Variants in LRCH2 observed in about 807,000 individuals in gnomAD.
LRCH2 encodes the protein leucine-rich repeat and calponin homology domain-containing protein 2.
Under a neutral mutation model 68.9 loss-of-function variants are expected in LRCH2, and 38 were observed. The ratio of observed to expected loss-of-function variants is 0.55; its 90% confidence interval spans 0.43 to 0.72. The LOEUF (loss-of-function observed/expected upper bound fraction) is 0.72. Ranked by LOEUF, LRCH2 falls within the 30% of genes least tolerant of loss-of-function variation. The pLI, the probability that LRCH2 is intolerant of heterozygous loss-of-function variation, is 0.00. For missense variants in LRCH2, 528 were observed against 572.9 expected, an observed-to-expected ratio of 0.92 and a Z score of 0.80; for synonymous variants, 191 against 208.1, an observed-to-expected ratio of 0.92 and a Z score of 0.71.
rs2072105426 is a variant in LRCH2 at position 115,118,571 on chromosome X, C to G, written c.2178+3956G>C. ...AGTCCAGGACCAGATGGATTCACAG[C>G]TGAATTCTACCAGAGGTACAAGGAG... On this transcript the variant is annotated intron_variant, in intron 20 of 20. Transcript: ENST00000317135. 2.7e-5 allele frequency among the ~76,000 whole-genome samples: 3 copies of G among 110,057 alleles called. No individual in the cohort carries two copies. In the South Asian group the frequency reaches 1.2e-3, roughly 43 times the overall value.
At chrX:115,189,664 G>T in intron 1 of LRCH2, 1 of 1,168,570 alleles carries the variant, frequency 8.6e-7, no homozygotes, top group Non-Finnish European at 1.1e-6. Context: ...CAAGTACCTG[G>T]ATGGTAAGGC....
At chrX:115,224,226 A>G (rs1556575361) in intron 1 of LRCH2, among the ~76,000 whole-genome samples, 1 of 111,648 alleles carries the variant, frequency 9.0e-6, no homozygotes, top group Non-Finnish European at 1.9e-5. Context: ...GGGAGGAGGC[A>G]GGGAGAATGG....
At chrX:115,114,532 A>T (rs1279582126) in intron 20 of LRCH2, among the ~76,000 whole-genome samples, 1 of 110,792 alleles carries the variant, frequency 9.0e-6, no homozygotes, top group Non-Finnish European at 1.9e-5. Context: ...AACAATAGAT[A>T]AAAAAAATCA....
At chrX:115,149,990 A>C (rs782250347) in intron 13 of LRCH2, 32 bp downstream of exon 13, 4 of 1,150,473 alleles carry the variant, frequency 3.5e-6, no homozygotes, top group Non-Finnish European at 4.7e-6. Context: ...GAACAAAATG[A>C]TAGATATAAT....
intron 12 of LRCH2, among the ~76,000 whole-genome samples, chrX:115,155,202 A>G (rs2072465784): frequency 9.1e-6 from 1 of 110,401 alleles, no homozygotes; most frequent in African/African-American, 3.3e-5. Context: ...TGAAAACTGC[A>G]TATTACTAAA....
intron 1 of LRCH2, among the ~76,000 whole-genome samples, chrX:115,223,273 G>A (rs782644570): frequency 6.5e-4 from 72 of 111,389 alleles, no homozygotes; most frequent in Middle Eastern, 4.6e-3. Flanking sequence ...TCTGACCCTG[G>A]GTTAGGCAAT....
chrX:115,142,942 A>G (rs1219313221), intron 14 of LRCH2, among the ~76,000 whole-genome samples: 3 of 110,538 alleles, frequency 2.7e-5, no homozygotes, highest in African/African-American at 9.9e-5. Context: ...TCTACAAAAA[A>G]TACAAAAATT....
chrX:115,119,805 C>T (rs2072119985), intron 20 of LRCH2, among the ~76,000 whole-genome samples: 1 of 102,284 alleles, frequency 9.8e-6, no homozygotes, highest in East Asian at 3.2e-4. Flanking sequence ...CAGCATGGTA[C>T]TGGTACCAAA....
chrX:115,143,932 C>T (rs1303930610), intron 14 of LRCH2, among the ~76,000 whole-genome samples: 1 of 111,696 alleles, frequency 9.0e-6, no homozygotes, highest in African/African-American at 3.3e-5. Context: ...ATCCAACATT[C>T]CTTCATGATA....
At chrX:115,223,930 A>G (rs1485175175) in intron 1 of LRCH2, among the ~76,000 whole-genome samples, 3 of 110,109 alleles carry the variant, frequency 2.7e-5, no homozygotes, top group African/African-American at 9.9e-5. Flanking sequence ...CGGTCTCGAA[A>G]AAAAAAAAAG....
At chrX:115,163,553 T>G (rs1297383429) in intron 11 of LRCH2, 123 bp downstream of exon 11, 41 of 437,644 alleles carry the variant, frequency 9.4e-5, no homozygotes, top group Non-Finnish European at 9.4e-5. Flanking sequence ...GTTAGTCCCT[T>G]GAGATAGATC....
intron 15 of LRCH2, among the ~76,000 whole-genome samples, chrX:115,128,190 A>G (rs191409194): frequency 1.6e-4 from 18 of 112,153 alleles, no homozygotes; most frequent in Non-Finnish European, 2.6e-4. Context: ...GCTGCTGATT[A>G]GATATTGAGG....
At chrX:115,215,828 A>G (rs2073038615) in intron 1 of LRCH2, among the ~76,000 whole-genome samples, 1 of 109,941 alleles carries the variant, frequency 9.1e-6, no homozygotes, top group Non-Finnish European at 1.9e-5. Context: ...TTTTAAAACT[A>G]TCACTTGGTG....
intron 1 of LRCH2, chrX:115,198,643 A>G (rs2072908738): frequency 1.3e-5 from 2 of 158,237 alleles, no homozygotes; most frequent in African/African-American, 6.3e-5. Context: ...CAAGCCCTCA[A>G]GTTCATCAAG....
chrX:115,138,895 T>C (rs2072312490), intron 14 of LRCH2: 1 of 112,209 alleles, frequency 8.9e-6, no homozygotes, highest in Admixed American at 9.5e-5. Flanking sequence ...TTAATCTGAA[T>C]TCTGAATTAC....
At chrX:115,205,774 T>C (rs782685627) in intron 1 of LRCH2, among the ~76,000 whole-genome samples, 1 of 110,627 alleles carries the variant, frequency 9.0e-6, no homozygotes, top group South Asian at 3.9e-4. Context: ...CTGTCTCTAT[T>C]AAAAATACAA....
intron 16 of LRCH2, among the ~76,000 whole-genome samples, chrX:115,125,542 T>TC (rs2072186412): frequency 4.2e-4 from 2 of 4,731 alleles, no homozygotes; most frequent in African/African-American, 7.5e-4. Context: ...TATATATATA[T>TC]ATATATATAT....
intron 15 of LRCH2, among the ~76,000 whole-genome samples, chrX:115,129,846 G>T (rs900389753): frequency 1.8e-5 from 2 of 110,696 alleles, no homozygotes; most frequent in African/African-American, 6.6e-5. Context: ...CTCAATTGAC[G>T]ACCAGGCTGA....
At chrX:115,199,837 A>C (rs2072917530) in intron 1 of LRCH2, among the ~76,000 whole-genome samples, 1 of 112,595 alleles carries the variant, frequency 8.9e-6, no homozygotes, top group Admixed American at 9.4e-5. Flanking sequence ...CAACAACTGC[A>C]GAATATACAC....
Sources: gnomAD v4.1 joint callset for allele counts (sites outside exome capture counted in the v4.1 genomes callset) on GRCh38, gnomAD v4.1.1 for gene constraint, MANE v1.5 for transcripts, NCBI Gene and HGNC (gene_info 2026-07-23, HGNC 2026-07-21) for gene names.